ELMO1: variants seen among roughly 807,000 people sequenced by gnomAD.
ELMO1 encodes the protein engulfment and cell motility protein 1.
ELMO1 carries 26 observed loss-of-function variants against 98.9 expected under a neutral mutation model. The ratio of observed to expected loss-of-function variants is 0.26; its 90% CI spans 0.19 to 0.36. The LOEUF (loss-of-function observed/expected upper bound fraction) is 0.36. Among genes scored for constraint, ELMO1 ranks in the 10% least tolerant of loss-of-function variants. The pLI, the probability that ELMO1 is intolerant of heterozygous loss-of-function variation, is 1.00. For synonymous variants in ELMO1, 346 were observed against 346.0 expected (o/e 1.00, Z 0.00); for missense variants, 627 against 935.2 (o/e 0.67, Z 4.30).
chr7:37,349,567 C>T (rs780801968), intron 1 of ELMO1, among the ~76,000 whole-genome samples: 65 of 152,188 alleles, frequency 4.3e-4, no homozygotes, highest in Non-Finnish European at 7.6e-4. Context: ...GATTCTCCTG[C>T]CTCAGCCTCC....
chr7:36,980,699 AATG>A (rs886964732), intron 16 of ELMO1, among the ~76,000 whole-genome samples: 1 of 152,244 alleles, frequency 6.6e-6, no homozygotes, highest in Admixed American at 6.5e-5. Context: ...TACTTATTGT[AATG>A]ATAATTTTAC....
At chr7:37,444,809 C>A (rs1015084258) in intron 1 of ELMO1, among the ~76,000 whole-genome samples, 2 of 152,192 alleles carry the variant, frequency 1.3e-5, no homozygotes, top group African/African-American at 2.4e-5. Context: ...CCACCGCGCC[C>A]GGCCAATAGT....
At chr7:37,018,194 T>A (rs1262049521) in intron 15 of ELMO1, among the ~76,000 whole-genome samples, 1 of 151,686 alleles carries the variant, frequency 6.6e-6, no homozygotes, top group Non-Finnish European at 1.5e-5. Flanking sequence ...TGGCGTGATC[T>A]CAGCTCACCA....
rs537247090 is a variant in ELMO1, at chr7:37,382,380, AT to A, written c.-73-39618del. On this transcript the variant is annotated intron_variant, in intron 1 of 21. Transcript: ENST00000310758. The stretch of plus-strand genomic sequence containing the variant: ...ACTTTATCTCGCTTTTTCTTGTATT[AT>A]TTTTTTCTGAACTGTGAAGGGGTTC... Among the ~76,000 whole-genome samples the A allele has an allele frequency of 2.5e-3, 384 of 152,238 alleles. 5 individuals carry two copies. Among genetic ancestry groups the A allele is most frequent in the African/African-American group, 8.6e-3 (356 of 41,536 alleles).
intron 4 of ELMO1, among the ~76,000 whole-genome samples, chr7:37,283,705 G>A (rs987001317): frequency 2.6e-5 from 4 of 152,176 alleles, no homozygotes; most frequent in South Asian, 2.1e-4. Context: ...AGCCTCCTGC[G>A]TCCGGCCTCT....
At position 37,013,395 on chromosome 7, in the gene ELMO1, G is replaced by A. The variant is rs1212180299; in HGVS notation, c.1341C>T (p.Thr447=). ...AAAACTCCTCAAAGGATCTGTCGTG[G>A]GTGAAGAACATCGGGTGGAAGTCGT... is the stretch of plus-strand genomic sequence containing the variant. The part of the protein sequence containing the change: ...TCNDFHPMFF[T]HDRSFEEFFC... The change falls in exon 16 of 22, where the codon ACC becomes ACT. Residue 447 remains threonine, a synonymous_variant. Coordinates refer to ENST00000310758, the MANE Select transcript of ELMO1 (RefSeq NM_014800.11). 4 of 1,614,066 alleles carry A rather than the reference G, an allele frequency of 2.5e-6. No individual in the cohort carries two copies. The highest frequency in any genetic ancestry group is 2.2e-5 in the South Asian group (2 of 91,086).
intron 10 of ELMO1, among the ~76,000 whole-genome samples, chr7:37,221,372 C>T (rs1022760176): frequency 2.0e-5 from 3 of 152,212 alleles, no homozygotes; most frequent in Non-Finnish European, 4.4e-5. Context: ...GGTTCGCTTT[C>T]TAATTTCTTC....
intron 1 of ELMO1, among the ~76,000 whole-genome samples, chr7:37,415,457 C>T (rs1562676941): frequency 6.6e-6 from 1 of 152,162 alleles, no homozygotes; most frequent in Non-Finnish European, 1.5e-5. Context: ...CTTGGCTCTA[C>T]CACTTTTAAA....
chr7:37,400,116 T>A (rs1329324535), intron 1 of ELMO1, among the ~76,000 whole-genome samples: 4 of 152,210 alleles, frequency 2.6e-5, no homozygotes, highest in African/African-American at 9.6e-5. Flanking sequence ...CAAAATGGGA[T>A]AACACTTATT....
chr7:36,983,648 A>C (rs545020827), intron 16 of ELMO1, among the ~76,000 whole-genome samples: 33 of 152,326 alleles, frequency 2.2e-4, no homozygotes, highest in African/African-American at 7.2e-4. Flanking sequence ...AGATTCAATG[A>C]ATTATTATAT....
chr7:37,125,774 T>C (rs1480772987), intron 14 of ELMO1, among the ~76,000 whole-genome samples: 1 of 152,224 alleles, frequency 6.6e-6, no homozygotes, highest in East Asian at 1.9e-4. Flanking sequence ...AAATACCATT[T>C]GACCCAGCCA....
intron 13 of ELMO1, among the ~76,000 whole-genome samples, chr7:37,197,770 C>A (rs1458647291): frequency 6.6e-6 from 1 of 152,116 alleles, no homozygotes; most frequent in African/African-American, 2.4e-5. Context: ...CTACTAGAGG[C>A]AAAATCACGA....
chr7:37,030,210 G>A (rs1012611548), intron 15 of ELMO1, among the ~76,000 whole-genome samples: 1 of 152,094 alleles, frequency 6.6e-6, no homozygotes, highest in African/African-American at 2.4e-5. Flanking sequence ...GCTTTTAAAG[G>A]AAGAAAAATA....
intron 1 of ELMO1, among the ~76,000 whole-genome samples, chr7:37,371,958 G>A (rs1162485969): frequency 6.6e-6 from 1 of 152,168 alleles, no homozygotes; most frequent in Non-Finnish European, 1.5e-5. Context: ...TGTAGACCAA[G>A]AAATACCTTC....
chr7:37,272,972 T>G (rs987818889), intron 4 of ELMO1, among the ~76,000 whole-genome samples: 3 of 152,222 alleles, frequency 2.0e-5, no homozygotes, highest in African/African-American at 4.8e-5. Context: ...ACATTGTGAA[T>G]GCACTAAATA....
chr7:37,049,251 CA>C (rs1795969474), intron 15 of ELMO1, among the ~76,000 whole-genome samples: 1 of 152,212 alleles, frequency 6.6e-6, no homozygotes, highest in Non-Finnish European at 1.5e-5. Flanking sequence ...CGAGCAGGGA[CA>C]GTGCCGCTTT....
intron 13 of ELMO1, among the ~76,000 whole-genome samples, chr7:37,157,559 T>C (rs1233185810): frequency 1.3e-5 from 2 of 152,056 alleles, no homozygotes; most frequent in East Asian, 3.8e-4. Context: ...CCCATTCAAA[T>C]TACTATAAGG....
At chr7:37,294,666 G>A (rs1797940709) in intron 4 of ELMO1, among the ~76,000 whole-genome samples, 1 of 152,154 alleles carries the variant, frequency 6.6e-6, no homozygotes, top group Non-Finnish European at 1.5e-5. Flanking sequence ...TAAAAAAATG[G>A]ATAAATCAAC....
chr7:37,354,548 C>T (rs746597373), intron 1 of ELMO1, among the ~76,000 whole-genome samples: 8 of 152,236 alleles, frequency 5.3e-5, no homozygotes, highest in Non-Finnish European at 8.8e-5. Context: ...AGCTCTCTTG[C>T]GCTTTGGGAA....
Sources: gnomAD v4.1 joint callset for allele counts (sites outside exome capture counted in the v4.1 genomes callset) on GRCh38, gnomAD v4.1.1 for gene constraint, MANE v1.5 for transcripts, NCBI Gene and HGNC (gene_info 2026-07-23, HGNC 2026-07-21) for gene names.